Variants in PRKCA observed in about 807,000 individuals in gnomAD.
The protein encoded by PRKCA is protein kinase C alpha type.
Under a neutral mutation model 87.0 loss-of-function variants are expected in PRKCA, and 27 were observed. The observed-to-expected ratio is 0.31, with a 90% confidence interval of 0.23 to 0.43. The LOEUF (loss-of-function observed/expected upper bound fraction) is 0.43. PRKCA is among the 20% of genes least tolerant of loss of function. The probability of loss-of-function intolerance (pLI) is 1.00; values close to 1 mark genes in which losing one functional copy is unlikely to be tolerated. For missense variants in PRKCA, 518 were observed against 852.3 expected (o/e 0.61, Z 4.88); for synonymous variants, 329 against 311.1 (o/e 1.06, Z -0.61).
chr17:66,659,037 T>C (rs1309620004), intron 5 of PRKCA, among the ~76,000 whole-genome samples: 1 of 152,240 alleles, frequency 6.6e-6, no homozygotes, highest in Non-Finnish European at 1.5e-5. Context: ...AACCTTGACC[T>C]CATGGCTTAA....
At position 66,352,857 on chromosome 17, in the gene PRKCA, C is replaced by T. The variant is rs1806999; in HGVS notation, c.205+46730C>T. 9.7e-3 allele frequency among the ~76,000 whole-genome samples: 1,478 copies of T among 151,986 alleles called. 15 individuals are homozygous for T. Among genetic ancestry groups the T allele is most frequent in the African/African-American group, 0.033 (1,352 of 41,446 alleles). Reference sequence around the variant, plus strand: ...GATTACAGGAATGAGCCACCGTGCCCGGCCTGAGTTGTATTATTTTAGGGT... The same window carrying T: ...GATTACAGGAATGAGCCACCGTGCCTGGCCTGAGTTGTATTATTTTAGGGT... On this transcript the variant is annotated intron_variant, in intron 2 of 16. Transcript: ENST00000413366.
At chr17:66,572,095 AATAC>A (rs1969095558) in intron 3 of PRKCA, among the ~76,000 whole-genome samples, 1 of 152,220 alleles carries the variant, frequency 6.6e-6, no homozygotes, top group African/African-American at 2.4e-5. Flanking sequence ...GTAAGTGCGT[AATAC>A]CTCTAGATGC....
intron 3 of PRKCA, among the ~76,000 whole-genome samples, chr17:66,565,434 C>T (rs1968859669): frequency 6.6e-6 from 1 of 152,224 alleles, no homozygotes; most frequent in Non-Finnish European, 1.5e-5. Flanking sequence ...AAGGCACCCA[C>T]CTAGCCTCTT....
At chr17:66,700,770 A>T (rs1018395609) in intron 8 of PRKCA, among the ~76,000 whole-genome samples, 2 of 152,238 alleles carry the variant, frequency 1.3e-5, no homozygotes, top group African/African-American at 4.8e-5. Context: ...ACTGAAAAAT[A>T]GAAAACACTG....
chr17:66,602,431 G>A (rs1220096960), intron 3 of PRKCA, among the ~76,000 whole-genome samples: 6 of 149,780 alleles, frequency 4.0e-5, no homozygotes, highest in Non-Finnish European at 5.9e-5. Flanking sequence ...TTCGGCTCGC[G>A]CACGGTGCGC....
chr17:66,754,870 C>T (rs1323886381), intron 13 of PRKCA, among the ~76,000 whole-genome samples: 1 of 152,016 alleles, frequency 6.6e-6, no homozygotes, highest in Non-Finnish European at 1.5e-5. Context: ...GGAATTGCAC[C>T]TGTCAGATCA....
At chr17:66,693,241 C>A (rs544851034) in intron 8 of PRKCA, among the ~76,000 whole-genome samples, 1 of 152,342 alleles carries the variant, frequency 6.6e-6, no homozygotes, top group Non-Finnish European at 1.5e-5. Context: ...TAGAGCAGTT[C>A]ATCCTCCTAC....
chr17:66,735,461 G>A, intron 9 of PRKCA, 28 bp from the exon 10 acceptor site: 1 of 1,614,072 alleles, frequency 6.2e-7, no homozygotes, highest in Non-Finnish European at 8.5e-7. Flanking sequence ...GCTTACAAGT[G>A]TTCAGGTTGT....
chr17:66,570,475 A>T (rs534826373), intron 3 of PRKCA, among the ~76,000 whole-genome samples: 2 of 152,338 alleles, frequency 1.3e-5, no homozygotes, highest in Admixed American at 6.5e-5. Flanking sequence ...AAAAATTTTT[A>T]AAAAGCAGTG....
intron 3 of PRKCA, among the ~76,000 whole-genome samples, chr17:66,581,868 T>C (rs542231164): frequency 6.6e-6 from 1 of 152,300 alleles, no homozygotes; most frequent in East Asian, 1.9e-4. Context: ...TAATAAAACA[T>C]GGAAACCCTG....
At chr17:66,404,791 G>A (rs1911260888) in intron 2 of PRKCA, among the ~76,000 whole-genome samples, 1 of 115,016 alleles carries the variant, frequency 8.7e-6, no homozygotes, top group South Asian at 2.9e-4. Context: ...TCACTCTAGT[G>A]CAGGCTGGAG....
chr17:66,411,051 C>A (rs1157996356), intron 2 of PRKCA, among the ~76,000 whole-genome samples: 1 of 151,986 alleles, frequency 6.6e-6, no homozygotes. Context: ...TGTATATATT[C>A]TCTGTTAATT....
chr17:66,392,624 C>T (rs1020532086), intron 2 of PRKCA, among the ~76,000 whole-genome samples: 6 of 152,008 alleles, frequency 3.9e-5, no homozygotes, highest in Admixed American at 1.3e-4. Flanking sequence ...GCAGAGGGGC[C>T]GTGTAGACCA....
chr17:66,325,919 G>GT (rs1263453483), intron 2 of PRKCA, among the ~76,000 whole-genome samples: 2 of 152,016 alleles, frequency 1.3e-5, no homozygotes. Context: ...AAAGTTTTAG[G>GT]TTTTAGGGTT....
chr17:66,766,364 T>TG (rs1974811328), intron 13 of PRKCA, among the ~76,000 whole-genome samples: 1 of 113,112 alleles, frequency 8.8e-6, no homozygotes, highest in Admixed American at 8.6e-5. Context: ...CACCCTTGCC[T>TG]GTTGATGGCT....
intron 2 of PRKCA, among the ~76,000 whole-genome samples, chr17:66,401,471 G>A (rs1346073565): frequency 1.3e-5 from 2 of 152,188 alleles, no homozygotes; most frequent in African/African-American, 4.8e-5. Flanking sequence ...AAAGAAGTTG[G>A]CTGGATGTAT....
At chr17:66,627,646 A>G (rs1439261312) in intron 3 of PRKCA, among the ~76,000 whole-genome samples, 3 of 152,218 alleles carry the variant, frequency 2.0e-5, no homozygotes, top group East Asian at 3.8e-4. Flanking sequence ...AGTCACAGCT[A>G]TAAAACCGAA....
intron 5 of PRKCA, among the ~76,000 whole-genome samples, chr17:66,659,949 G>C (rs1249079260): frequency 1.3e-5 from 2 of 152,136 alleles, no homozygotes; most frequent in Non-Finnish European, 2.9e-5. Flanking sequence ...GAAGGTGGAG[G>C]TTACAGTCGA....
intron 3 of PRKCA, among the ~76,000 whole-genome samples, chr17:66,545,415 C>T (rs755281807): frequency 4.6e-5 from 7 of 152,118 alleles, no homozygotes; most frequent in South Asian, 4.2e-4. Context: ...GGCGACAGAG[C>T]GAGACTCTGT....
Sources: gnomAD v4.1 joint callset for allele counts (sites outside exome capture counted in the v4.1 genomes callset) on GRCh38, gnomAD v4.1.1 for gene constraint, MANE v1.5 for transcripts, NCBI Gene and HGNC (gene_info 2026-07-23, HGNC 2026-07-21) for gene names.